DMD: variants seen among roughly 807,000 people sequenced by gnomAD.
DMD encodes the protein dystrophin, also known as mutant dystrophin.
A neutral mutation model predicts 330.1 loss-of-function variants in DMD; 63 were observed. That is an observed-to-expected ratio of 0.19 (90% CI 0.16 to 0.24). DMD has a LOEUF of 0.24. DMD is among the 10% of genes least tolerant of loss of function. The probability of loss-of-function intolerance (pLI) is 1.00; values close to 1 mark genes in which losing one functional copy is unlikely to be tolerated. For synonymous variants in DMD, 1,223 were observed against 959.8 expected (o/e 1.27, Z -5.07); for missense variants, 3,344 against 2,684.1 (o/e 1.25, Z -5.43).
At chrX:31,525,764 GA>G (rs2073195615) in intron 55 of DMD, among the ~76,000 whole-genome samples, 1 of 112,459 alleles carries the variant, frequency 8.9e-6, no homozygotes, top group Non-Finnish European at 1.9e-5. Flanking sequence ...TTTACTCGTT[GA>G]CGGTGAAATG....
intron 9 of DMD, among the ~76,000 whole-genome samples, chrX:32,689,813 A>T (rs1178616525): frequency 9.0e-6 from 1 of 111,406 alleles, no homozygotes; most frequent in East Asian, 2.8e-4. Context: ...ATTTCATTAG[A>T]TGCTGAAAAC....
At chrX:33,304,993 G>A in intron 1 of DMD, among the ~76,000 whole-genome samples, 1 of 108,987 alleles carries the variant, frequency 9.2e-6, no homozygotes, top group East Asian at 2.9e-4. Context: ...TTCAACCATT[G>A]TGGAAGTCAG....
chrX:31,158,506 G>A (rs1285580056), intron 74 of DMD, among the ~76,000 whole-genome samples: 1 of 111,077 alleles, frequency 9.0e-6, no homozygotes, highest in African/African-American at 3.3e-5. Context: ...GATTTCTTTT[G>A]GGGGGTGATA....
intron 27 of DMD, among the ~76,000 whole-genome samples, chrX:32,444,955 A>T (rs757942785): frequency 1.3e-4 from 14 of 110,908 alleles, no homozygotes; most frequent in Non-Finnish European, 2.7e-4. Flanking sequence ...ACTCTTTCAA[A>T]CTTCTCATTC....
chrX:33,107,027 A>G (rs2095293698), intron 1 of DMD, among the ~76,000 whole-genome samples: 1 of 111,662 alleles, frequency 9.0e-6, no homozygotes, highest in Non-Finnish European at 1.9e-5. Context: ...AAAGAAGTTT[A>G]AGGCCGGGTG....
At chrX:31,857,520 A>G (rs1369083065) in intron 48 of DMD, among the ~76,000 whole-genome samples, 1 of 110,060 alleles carries the variant, frequency 9.1e-6, no homozygotes, top group East Asian at 2.8e-4. Context: ...AGCCTAATTT[A>G]AATAATTATG....
At chrX:32,628,522 C>A (rs1384885500) in intron 11 of DMD, among the ~76,000 whole-genome samples, 3 of 108,134 alleles carry the variant, frequency 2.8e-5, no homozygotes, top group Non-Finnish European at 5.7e-5. Context: ...TGTATTTCAG[C>A]TCTGTTCCTT....
intron 9 of DMD, among the ~76,000 whole-genome samples, chrX:32,694,441 G>A (rs1454051805): frequency 9.0e-6 from 1 of 111,262 alleles, no homozygotes; most frequent in Non-Finnish European, 1.9e-5. Flanking sequence ...TTGGTTTGTG[G>A]CAACTCTATT....
rs372814046 is a variant in DMD at position 32,390,195 on chromosome X, A to C, written c.4234-14T>G. On this transcript the variant is annotated splice_polypyrimidine_tract_variant and intron_variant, in intron 30 of 78. Coordinates refer to ENST00000357033, the MANE Select transcript of DMD (RefSeq NM_004006.3). ...AGATTGGATTTTCTGTTGGGAGGATAGCATTATTAGTCAGCATGCTCTACA... is the reference window on the plus strand; with the variant it reads ...AGATTGGATTTTCTGTTGGGAGGATCGCATTATTAGTCAGCATGCTCTACA... 5 of 1,117,081 alleles carry C rather than the reference A, an allele frequency of 4.5e-6. No individual in the cohort carries two copies. In the African/African-American group the frequency reaches 9.0e-5, roughly 20 times the overall value. 92.1% of individuals were successfully genotyped at this position (1,117,081 alleles called of 1,213,427 possible). A position where few individuals can be genotyped will look rare whatever the true frequency, so the allele number is the denominator to read the frequency against.
chrX:32,599,053 C>G (rs2055887660), intron 12 of DMD, among the ~76,000 whole-genome samples: 1 of 111,909 alleles, frequency 8.9e-6, no homozygotes, highest in Non-Finnish European at 1.9e-5. Flanking sequence ...TCTTCTTTCT[C>G]AGCTAATTAG....
intron 29 of DMD, among the ~76,000 whole-genome samples, chrX:32,419,561 T>G (rs1292581873): frequency 1.8e-5 from 2 of 112,414 alleles, no homozygotes; most frequent in East Asian, 5.6e-4. Context: ...ATCCTTTAAA[T>G]ATAAAATAAA....
At chrX:32,782,163 C>A (rs1369591988) in intron 7 of DMD, among the ~76,000 whole-genome samples, 1 of 111,550 alleles carries the variant, frequency 9.0e-6, no homozygotes. Flanking sequence ...TTTCACAGAT[C>A]ATGCTCTCCC....
At chrX:31,126,832 A>G (rs762823407) in intron 77 of DMD, 159 bp from the exon 78 acceptor site, 1 of 467,681 alleles carries the variant, frequency 2.1e-6, no homozygotes, top group East Asian at 3.7e-5. Flanking sequence ...AAACAGAAAC[A>G]AAAAACCCAA....
intron 44 of DMD, among the ~76,000 whole-genome samples, chrX:32,004,223 T>C (rs2095646262): frequency 9.0e-6 from 1 of 111,357 alleles, no homozygotes; most frequent in African/African-American, 3.3e-5. Flanking sequence ...ACCCCTACTT[T>C]ACATCTAAAA....
chrX:32,347,735 T>C lies in DMD; in HGVS notation c.5448+671A>G, dbSNP rs775876009. On this transcript the variant is annotated intron_variant, in intron 38 of 78. Transcript: ENST00000357033. ...GGGGAAAAAATTGTGAAAAGGAGGA[T>C]GAAGAGAGAAAAAAAAAGTCAGTTA... Among the ~76,000 whole-genome samples the C allele has an allele frequency of 2.7e-5, 3 of 110,629 alleles. No individual in the cohort carries two copies. In the South Asian group the frequency reaches 1.1e-3, roughly 42 times the overall value.
At chrX:32,350,361 TTTCACATTCCTAGTATG>T (rs1477505856) in intron 37 of DMD, among the ~76,000 whole-genome samples, 9 of 111,496 alleles carry the variant, frequency 8.1e-5, no homozygotes, top group Non-Finnish European at 1.7e-4. Flanking sequence ...TCACCTGAAG[TTTCACATTCCTAGTATG>T]GAGCACATTA....
At chrX:32,932,509 C>T (rs1347199892) in intron 2 of DMD, among the ~76,000 whole-genome samples, 1 of 111,150 alleles carries the variant, frequency 9.0e-6, no homozygotes, top group Non-Finnish European at 1.9e-5. Context: ...ATATAGTTTA[C>T]GCCAGACCTC....
chrX:33,262,960 C>T (rs977908160), intron 1 of DMD, among the ~76,000 whole-genome samples: 1 of 108,528 alleles, frequency 9.2e-6, no homozygotes, highest in Non-Finnish European at 1.9e-5. Flanking sequence ...ATACATTGAT[C>T]AAAAAACAAA....
chrX:31,374,982 G>A (rs182539208), intron 60 of DMD, among the ~76,000 whole-genome samples: 34 of 111,332 alleles, frequency 3.1e-4, no homozygotes, highest in African/African-American at 1.1e-3. Flanking sequence ...TCATTGGAAT[G>A]TGCCCTCAGG....
Sources: allele counts gnomAD v4.1 joint callset (sites outside exome capture counted in the v4.1 genomes callset), GRCh38; gene constraint gnomAD v4.1.1; transcripts MANE v1.5; gene names NCBI Gene and HGNC (gene_info 2026-07-23, HGNC 2026-07-21).